The following LHX9 variants were observed in gnomAD, a reference collection of about 807,000 sequenced individuals.
The protein encoded by LHX9 is LIM homeobox 9, also known as LIM/homeobox protein Lhx9.
In LHX9, 9 loss-of-function variants were observed where a neutral mutation model predicts 36.5. The ratio of observed to expected loss-of-function variants is 0.25; its 90% confidence interval spans 0.15 to 0.43. The LOEUF is 0.43. Ranked by LOEUF, LHX9 falls within the 20% of genes least tolerant of loss-of-function variation. The pLI is 1.00. For missense variants in LHX9, 464 were observed against 526.4 expected, an observed-to-expected ratio of 0.88 and a Z score of 1.16; for synonymous variants, 211 against 212.1, an observed-to-expected ratio of 0.99 and a Z score of 0.04.
Position 197,923,767 on chromosome 1 carries a change from A to T in LHX9, c.733+2108A>T, listed in dbSNP as rs898928643. On this transcript the variant is annotated intron_variant, in intron 3 of 4. Coordinates refer to ENST00000367387, the MANE Select transcript of LHX9 (RefSeq NM_020204.3). ...TCTCTGAAAATAACTAGAGAGTACA[A>T]ATTTATTTTTAAGAAGAATAAAAGA... Among the ~76,000 whole-genome samples the T allele has an allele frequency of 2.0e-5, 3 of 152,164 alleles. 1 individual carries two copies. In the South Asian group the frequency reaches 6.2e-4, roughly 31 times the overall value.
At position 197,927,696 on chromosome 1, in the gene LHX9, G is replaced by A. The variant is rs1660188637; in HGVS notation, c.839G>A (p.Arg280Gln). The A allele has an allele frequency of 1.9e-6, 3 of 1,614,116 alleles. No homozygotes were observed. The highest frequency in any genetic ancestry group is 2.5e-6 in the Non-Finnish European group (3 of 1,180,024). ...ACCTCTTTCAAGCATCACCAGCTCCGGACCATGAAATCCTACTTTGCCATC... is the reference window on the plus strand; with the variant it reads ...ACCTCTTTCAAGCATCACCAGCTCCAGACCATGAAATCCTACTTTGCCATC... ...MRTSFKHHQL[R>Q]TMKSYFAINH... The change falls in exon 4 of 5, where the codon CGG (arginine) becomes CAG (glutamine). Residue 280 changes from arginine to glutamine, a missense_variant. Arg to Gln is a conservative substitution (Grantham distance 43). Around this residue, in one of 5 missense-constraint regions of LHX9, gnomAD observed 20 missense variants for 67.0 expected, o/e 0.30. Coordinates refer to ENST00000367387, the MANE Select transcript of LHX9 (RefSeq NM_020204.3).
At chr1:197,926,304 G>A (rs6699976) in intron 3 of LHX9, among the ~76,000 whole-genome samples, 4,047 of 152,136 alleles carry the variant, frequency 0.027, 173 homozygotes, top group African/African-American at 0.09. Flanking sequence ...CTTTCTCCCT[G>A]GAATGACATG....
At chr1:197,915,287 A>ACTC (rs763065060), upstream of LHX9, among the ~76,000 whole-genome samples, 18 of 151,016 alleles carry the variant, frequency 1.2e-4, no homozygotes, top group Non-Finnish European at 2.4e-4. Flanking sequence ...CTTCTCAGAG[A>ACTC]CTCCTCCTCC....
Position 197,921,574 on chromosome 1 carries a change from C to T in LHX9, c.648C>T (p.Phe216=). 2 of 1,612,516 alleles carry T rather than the reference C, an allele frequency of 1.2e-6. No homozygotes were observed. Among genetic ancestry groups the T allele is most frequent in the Non-Finnish European group, 1.7e-6 (2 of 1,179,990 alleles). ...AKSGGLALPY[F]NGTGTVQKGR... is the part of the protein sequence containing the mutation. ...GCGGCGGCCTGGCCCTGCCTTACTT[C>T]AACGGTACGGGCACCGTGCAGAAAG... The change falls in exon 3 of 5, where the codon TTC becomes TTT. Residue 216 remains phenylalanine, a synonymous_variant. Coordinates refer to ENST00000367387, the MANE Select transcript of LHX9 (RefSeq NM_020204.3). The surrounding 1 kb of genome is among the most constrained non-coding windows in gnomAD (Gnocchi z 4.6).
rs1391329801 is a variant in LHX9, at chr1:197,932,591, T to C, written c.*3332T>C. 6.6e-6 allele frequency: 1 copy of C among 152,112 alleles called. No individual in the cohort carries two copies. Among genetic ancestry groups the C allele is most frequent in the Non-Finnish European group, 1.5e-5 (1 of 67,938 alleles). 9.4% of individuals were successfully genotyped at this position (152,112 alleles called of 1,614,324 possible). A position where few individuals can be genotyped will look rare whatever the true frequency, so the allele number is the denominator to read the frequency against. On this transcript the variant is annotated 3_prime_UTR_variant, in exon 5 of 5. Coordinates refer to ENST00000367387, the MANE Select transcript of LHX9 (RefSeq NM_020204.3). ...AATAAACATTTATTTGATGCAAACA[T>C]AGTTAACTTTATGTTAAACACATGC...
chr1:197,922,386 C>T (rs1660020561), intron 3 of LHX9, among the ~76,000 whole-genome samples: 1 of 152,168 alleles, frequency 6.6e-6, no homozygotes, highest in African/African-American at 2.4e-5. Context: ...TACTCAACCA[C>T]CTTCTCTCTT....
rs12091190 is a variant in LHX9, at chr1:197,917,878, G to A, written c.55G>A (p.Ala19Thr). Residue 19 changes from alanine (A) to threonine (T), a missense_variant, in exon 1 of 5, where the codon GCC becomes ACC. This residue lies in a region of LHX9 where 119 missense variants were observed against 102.4 expected (regional missense o/e 1.16). Coordinates refer to ENST00000367387, the MANE Select transcript of LHX9 (RefSeq NM_020204.3). ...CAACTCGTGTCCTTTCCGCCCCCCA[G>A]CCATGCTCTTTCACGGGATCTCCGG... is the stretch of plus-strand genomic sequence containing the variant. ...EDNSCPFRPP[A>T]MLFHGISGGH... 3 of 1,614,230 alleles carry A rather than the reference G, an allele frequency of 1.9e-6. No homozygotes were observed. Among genetic ancestry groups the A allele is most frequent in the Non-Finnish European group, 2.5e-6 (3 of 1,180,038 alleles).
At chr1:197,923,043 G>A (rs1411503603) in intron 3 of LHX9, among the ~76,000 whole-genome samples, 2 of 152,216 alleles carry the variant, frequency 1.3e-5, no homozygotes, top group African/African-American at 2.4e-5. Flanking sequence ...TCAGACCTCC[G>A]TTGGGCTCTC....
chr1:197,917,242 G>A (rs1418567351), upstream of LHX9: 9 of 1,212,214 alleles, frequency 7.4e-6, no homozygotes, highest in Non-Finnish European at 7.4e-6. Context: ...GGGTTGAGAG[G>A]AGTATGACAG....
intron 1 of LHX9, 116 bp from the exon 2 acceptor site, chr1:197,919,856 C>T: frequency 2.0e-6 from 2 of 980,570 alleles, no homozygotes; most frequent in Non-Finnish European, 3.1e-6. Context: ...TGCAGTGGAC[C>T]CTGGCCCCTG....
At chr1:197,926,594 G>A (rs1557976263) in intron 3 of LHX9, among the ~76,000 whole-genome samples, 1 of 152,154 alleles carries the variant, frequency 6.6e-6, no homozygotes, top group Non-Finnish European at 1.5e-5. Flanking sequence ...TCAAAGACTG[G>A]GTTGTTTTGC....
At position 197,917,517 on chromosome 1, in the gene LHX9, C is replaced by T. The variant is rs540838675; in HGVS notation, c.-307C>T. 130 of 1,417,184 alleles carry T rather than the reference C, an allele frequency of 9.2e-5. 3 individuals are homozygous for T. In the South Asian group the frequency reaches 1.6e-3, roughly 17 times the overall value. The allele number at this position is 1,417,184 out of a possible 1,614,324, so 87.8% of individuals were successfully genotyped here. A position where few individuals can be genotyped will look rare whatever the true frequency, so the allele number is the denominator to read the frequency against. On this transcript the variant is annotated 5_prime_UTR_variant, in exon 1 of 5. Transcript: ENST00000367387. ...TCCTCCCCCCGCTGCAGTTGTTTCCCATTAGTAACTCGATCTCTCAGAGCA... is the reference window on the plus strand; with the variant it reads ...TCCTCCCCCCGCTGCAGTTGTTTCCTATTAGTAACTCGATCTCTCAGAGCA...
chr1:197,928,355 TA>T (rs1660210379), intron 4 of LHX9, among the ~76,000 whole-genome samples: 1 of 152,232 alleles, frequency 6.6e-6, no homozygotes, highest in African/African-American at 2.4e-5. Context: ...ATTGATTTCC[TA>T]AACTCATCAT....
At position 197,919,396 on chromosome 1, in the gene LHX9, C is replaced by G. The variant is rs555759115; in HGVS notation, c.175-576C>G. Among the ~76,000 whole-genome samples the G allele has an allele frequency of 2.6e-5, 4 of 152,324 alleles. No individual in the cohort carries two copies. In the East Asian group the frequency reaches 7.7e-4, roughly 29 times the overall value. ...TTTATTGGGAACGGCACCAATAGCC[C>G]TGAAAATTAGGGAACAGCAGGGGCT... On this transcript the variant is annotated intron_variant, in intron 1 of 4. Coordinates refer to ENST00000367387, the MANE Select transcript of LHX9 (RefSeq NM_020204.3).
chr1:197,918,418 G>C, intron 1 of LHX9: 1 of 716,518 alleles, frequency 1.4e-6, no homozygotes, highest in South Asian at 1.5e-5. Flanking sequence ...GAGCCCAGGT[G>C]GCCTTAGTCT....
rs1185078177 is a variant in LHX9 at position 197,921,738 on chromosome 1, T to C, written c.733+79T>C. The C allele has an allele frequency of 8.2e-7, 1 of 1,222,792 alleles. No individual in the cohort carries two copies. Among genetic ancestry groups the C allele is most frequent in the African/African-American group, 1.5e-5 (1 of 66,032 alleles). The allele number at this position is 1,222,792 out of a possible 1,614,324, so 75.7% of individuals were successfully genotyped here. On this transcript the variant is annotated intron_variant, in intron 3 of 4. Transcript: ENST00000367387. The surrounding 1 kb of genome is among the most constrained non-coding windows in gnomAD (Gnocchi z 4.6). ...CGTAGAGCTCCTTCCCCGTCCAAAG[T>C]CTTGCTGCAAGAGTGTGTTTTGCCC...
intron 3 of LHX9, among the ~76,000 whole-genome samples, chr1:197,926,008 A>G (rs1021393294): frequency 2.0e-5 from 3 of 152,164 alleles, no homozygotes; most frequent in Non-Finnish European, 2.9e-5. Flanking sequence ...CCTCCTACTT[A>G]TGCGTCTTAT....
At chr1:197,918,548 G>T in intron 1 of LHX9, 1 of 605,718 alleles carries the variant, frequency 1.7e-6, no homozygotes, top group Non-Finnish European at 2.9e-6. Flanking sequence ...CTGGCATCCC[G>T]ACTCAGTCCC....
chr1:197,917,261 T>C, upstream of LHX9: 7 of 1,218,496 alleles, frequency 5.7e-6, no homozygotes, highest in South Asian at 1.6e-5. Context: ...AGGTCTTTGT[T>C]GTCTGAATAA....
Sources: allele counts gnomAD v4.1 joint callset (sites outside exome capture counted in the v4.1 genomes callset), GRCh38; gene constraint gnomAD v4.1.1; regional missense constraint gnomAD v4.1.1; non-coding constraint Gnocchi (gnomAD v3.1); transcripts MANE v1.5; gene names NCBI Gene and HGNC (gene_info 2026-07-23, HGNC 2026-07-21).